The following HMGB1 variants were observed in gnomAD, a reference collection of about 807,000 sequenced individuals.
HMGB1 encodes high mobility group protein B1.
For missense variants in HMGB1, 79 were observed against 253.5 expected, an observed-to-expected ratio of 0.31 and a Z score of 4.67; for synonymous variants, 81 against 84.0, an observed-to-expected ratio of 0.96 and a Z score of 0.19.
chr13:30,462,754 A>C, intron 3 of HMGB1, 42 bp from the exon 4 acceptor site: 1 of 1,516,982 alleles, frequency 6.6e-7, no homozygotes. Context: ...TTAACAGATC[A>C]CAAAAACAAA....
At chr13:30,615,788 G>C (rs1950554774) in intron 1 of HMGB1, among the ~76,000 whole-genome samples, 1 of 152,162 alleles carries the variant, frequency 6.6e-6, no homozygotes, top group Non-Finnish European at 1.5e-5. Context: ...CATCGTGAGT[G>C]GCTAAAATGA....
At chr13:30,617,578 G>A (rs1385228564) in exon 1 of HMGB1, 3 of 152,292 alleles carry the variant, frequency 2.0e-5, no homozygotes, top group East Asian at 1.9e-4. Context: ...TCTTTCGTCA[G>A]CGTAATCCCT....
intron 1 of HMGB1, among the ~76,000 whole-genome samples, chr13:30,483,326 C>T (rs558040968): frequency 2.0e-5 from 3 of 150,814 alleles, no homozygotes; most frequent in South Asian, 2.1e-4. Context: ...AGTTGCCCGG[C>T]CCAGAAACCT....
upstream of HMGB1, among the ~76,000 whole-genome samples, chr13:30,470,794 G>A (rs968351157): frequency 2.0e-5 from 3 of 151,678 alleles, no homozygotes; most frequent in Admixed American, 6.6e-5. Context: ...GATCACAGGC[G>A]TGTGCCACCA....
intron 1 of HMGB1, among the ~76,000 whole-genome samples, chr13:30,505,591 G>A (rs1178751003): frequency 2.0e-5 from 3 of 152,116 alleles, no homozygotes; most frequent in African/African-American, 7.2e-5. Flanking sequence ...GATTACAGGT[G>A]TGAGCCACCA....
intron 1 of HMGB1, among the ~76,000 whole-genome samples, chr13:30,521,704 G>A (rs116494404): frequency 1.3e-4 from 20 of 151,866 alleles, no homozygotes; most frequent in East Asian, 3.9e-4. Context: ...GTGTAGATAC[G>A]TGTTTTCACG....
intron 1 of HMGB1, among the ~76,000 whole-genome samples, chr13:30,537,652 CATATATATATAT>C (rs58424009): frequency 0.036 from 2,459 of 68,016 alleles, 77 homozygotes; most frequent in African/African-American, 0.065. Context: ...CATTCTTGTT[CATATATATATAT>C]ATATATATAT....
chr13:30,553,952 C>T, intron 1 of HMGB1: 4 of 1,473,762 alleles, frequency 2.7e-6, no homozygotes, highest in Non-Finnish European at 3.8e-6. Context: ...CTAACATGTG[C>T]TGCCATTTCT....
At chr13:30,586,883 G>C (rs565534453) in intron 1 of HMGB1, among the ~76,000 whole-genome samples, 8 of 152,094 alleles carry the variant, frequency 5.3e-5, no homozygotes, top group African/African-American at 1.4e-4. Flanking sequence ...TCCCAAACCT[G>C]TCCCTACCTC....
chr13:30,578,732 A>G (rs1870772714), intron 1 of HMGB1, among the ~76,000 whole-genome samples: 1 of 151,798 alleles, frequency 6.6e-6, no homozygotes, highest in African/African-American at 2.4e-5. Flanking sequence ...AATGGGCTCC[A>G]CCTCACTTCT....
chr13:30,578,368 C>CTT (rs60947686), intron 1 of HMGB1, among the ~76,000 whole-genome samples: 716 of 59,318 alleles, frequency 0.012, 135 homozygotes, highest in African/African-American at 0.041. Context: ...AGTTCTTGTT[C>CTT]TTTTTTTTTT....
At chr13:30,463,733 T>C in intron 1 of HMGB1, 39 bp from the exon 2 acceptor site, 1 of 1,342,838 alleles carries the variant, frequency 7.4e-7, no homozygotes, top group Non-Finnish European at 1.0e-6. Flanking sequence ...AGCAATAAAA[T>C]TATGACATAT....
intron 1 of HMGB1, among the ~76,000 whole-genome samples, chr13:30,520,835 C>T (rs760016922): frequency 7.2e-5 from 11 of 152,096 alleles, no homozygotes; most frequent in Non-Finnish European, 1.6e-4. Context: ...CTTTGCTTGC[C>T]TATTTTTGAT....
intron 1 of HMGB1, among the ~76,000 whole-genome samples, chr13:30,580,720 A>G (rs569658028): frequency 6.6e-6 from 1 of 152,340 alleles, no homozygotes; most frequent in East Asian, 1.9e-4. Flanking sequence ...CACGTAACAG[A>G]CATTTAATAA....
chr13:30,568,611 C>T (rs1870294684), intron 1 of HMGB1, among the ~76,000 whole-genome samples: 1 of 152,098 alleles, frequency 6.6e-6, no homozygotes, highest in South Asian at 2.1e-4. Context: ...TTTGTCCTTA[C>T]AAAAGAAAGG....
At chr13:30,532,334 C>CAAAA (rs34132409) in intron 1 of HMGB1, among the ~76,000 whole-genome samples, 1 of 113,342 alleles carries the variant, frequency 8.8e-6, no homozygotes, top group Non-Finnish European at 1.8e-5. Flanking sequence ...GACTCTGTCT[C>CAAAA]AAAAAAAAAA....
chr13:30,470,711 C>T (rs995400785), upstream of HMGB1, among the ~76,000 whole-genome samples: 1 of 151,864 alleles, frequency 6.6e-6, no homozygotes, highest in Non-Finnish European at 1.5e-5. Flanking sequence ...GGCGGTGGCG[C>T]GATCTTGGCT....
intron 1 of HMGB1, among the ~76,000 whole-genome samples, chr13:30,581,368 T>C (rs780598245): frequency 3.3e-5 from 5 of 152,172 alleles, no homozygotes; most frequent in Non-Finnish European, 5.9e-5. Context: ...GAGAAGGGGA[T>C]AGCAAATAAT....
intron 1 of HMGB1, among the ~76,000 whole-genome samples, chr13:30,594,144 G>C (rs920286205): frequency 6.6e-6 from 1 of 152,222 alleles, no homozygotes; most frequent in Non-Finnish European, 1.5e-5. Flanking sequence ...TAGCGGAAGA[G>C]AGCAAGGCAC....
Sources: allele counts gnomAD v4.1 joint callset (sites outside exome capture counted in the v4.1 genomes callset), GRCh38; gene constraint gnomAD v4.1.1; transcripts MANE v1.5; gene names NCBI Gene and HGNC (gene_info 2026-07-23, HGNC 2026-07-21).